The following CHODL variants were observed in gnomAD, a reference collection of about 807,000 sequenced individuals.
CHODL encodes the protein chondrolectin.
CHODL carries 29 observed loss-of-function variants against 34.5 expected under a neutral mutation model. The observed-to-expected ratio is 0.84, with a 90% CI of 0.63 to 1.15. The LOEUF (loss-of-function observed/expected upper bound fraction) is 1.15, where lower values mean the gene tolerates loss of function less well. Ranked by LOEUF, CHODL falls within the 50% of genes most tolerant of loss-of-function variation. The pLI, the probability that CHODL is intolerant of heterozygous loss-of-function variation, is 0.00. For missense variants in CHODL, 332 were observed against 332.5 expected (o/e 1.00, Z 0.01); for synonymous variants, 125 against 116.1 (o/e 1.08, Z -0.49).
intron 2 of CHODL, among the ~76,000 whole-genome samples, chr21:18,093,106 A>T (rs2065093711): frequency 6.6e-6 from 1 of 152,158 alleles, no homozygotes; most frequent in Non-Finnish European, 1.5e-5. Flanking sequence ...GAAACAAATA[A>T]CATACAATGG....
intron 1 of CHODL, among the ~76,000 whole-genome samples, chr21:17,994,673 C>T (rs1359944880): frequency 3.3e-5 from 5 of 152,138 alleles, no homozygotes; most frequent in Non-Finnish European, 4.4e-5. Flanking sequence ...GGATGATGTG[C>T]GTCAGTGACA....
chr21:18,184,683 A>G (rs2073420279), intron 2 of CHODL, among the ~76,000 whole-genome samples: 1 of 152,192 alleles, frequency 6.6e-6, no homozygotes, highest in South Asian at 2.1e-4. Context: ...AAAGTTTGCA[A>G]GTCCCCAGAT....
intron 2 of CHODL, among the ~76,000 whole-genome samples, chr21:18,050,034 G>A (rs1305964866): frequency 2.0e-5 from 3 of 151,942 alleles, no homozygotes; most frequent in Non-Finnish European, 4.4e-5. Context: ...TAAGAGTTAT[G>A]CAGACAAAAA....
chr21:18,068,878 CA>C (rs1440105421), intron 2 of CHODL, among the ~76,000 whole-genome samples: 1 of 151,744 alleles, frequency 6.6e-6, no homozygotes, highest in African/African-American at 2.4e-5. Flanking sequence ...TAATCTGCTA[CA>C]GTTTCTTATG....
chr21:18,128,109 G>A (rs541373942), intron 2 of CHODL, among the ~76,000 whole-genome samples: 70 of 151,396 alleles, frequency 4.6e-4, no homozygotes, highest in Non-Finnish European at 8.7e-4. Context: ...GACCATCCTG[G>A]CTAACACGGT....
intron 2 of CHODL, among the ~76,000 whole-genome samples, chr21:18,136,748 A>G (rs1161168134): frequency 7.0e-6 from 1 of 142,630 alleles, no homozygotes; most frequent in African/African-American, 2.6e-5. Context: ...ATATATATAT[A>G]TATATGTATA....
intron 1 of CHODL, among the ~76,000 whole-genome samples, chr21:17,927,196 G>T (rs1303510011): frequency 7.1e-6 from 1 of 141,000 alleles, no homozygotes; most frequent in African/African-American, 2.9e-5. Context: ...GTATATGTAT[G>T]TATGTGTGTG....
intron 2 of CHODL, among the ~76,000 whole-genome samples, chr21:18,153,336 T>TTGGC (rs1215582792): frequency 6.6e-6 from 1 of 152,192 alleles, no homozygotes; most frequent in African/African-American, 2.4e-5. Flanking sequence ...CTTCTCCTTG[T>TTGGC]TGGCTATAGG....
At chr21:18,144,800 G>C (rs1186898079) in intron 2 of CHODL, among the ~76,000 whole-genome samples, 3 of 151,416 alleles carry the variant, frequency 2.0e-5, no homozygotes, top group Non-Finnish European at 4.4e-5. Flanking sequence ...GGCGGGGCAA[G>C]TGAGTTTAGG....
At chr21:17,933,755 A>G (rs1180429641) in intron 1 of CHODL, among the ~76,000 whole-genome samples, 1 of 152,156 alleles carries the variant, frequency 6.6e-6, no homozygotes, top group Non-Finnish European at 1.5e-5. Context: ...AGAAAGAAAT[A>G]GTAGGCCGGG....
chr21:17,938,430 G>C (rs571180973), intron 1 of CHODL, among the ~76,000 whole-genome samples: 1 of 136,548 alleles, frequency 7.3e-6, no homozygotes, highest in African/African-American at 2.8e-5. Flanking sequence ...TATGAACTCC[G>C]ATTTTAAATA....
At chr21:18,126,021 A>T (rs149507671) in intron 2 of CHODL, among the ~76,000 whole-genome samples, 36 of 152,282 alleles carry the variant, frequency 2.4e-4, no homozygotes, top group East Asian at 1.7e-3. Context: ...TCTTATTTTT[A>T]AAAAAATGCA....
intron 2 of CHODL, among the ~76,000 whole-genome samples, chr21:18,104,547 C>G (rs567303804): frequency 1.3e-3 from 200 of 152,128 alleles, no homozygotes; most frequent in Non-Finnish European, 2.6e-3. Flanking sequence ...ATAAAATATA[C>G]CATAGTCATA....
At chr21:17,973,239 T>G (rs2063631205) in intron 1 of CHODL, among the ~76,000 whole-genome samples, 1 of 152,136 alleles carries the variant, frequency 6.6e-6, no homozygotes, top group South Asian at 2.1e-4. Flanking sequence ...GGGGAAAGAC[T>G]TCATGACTAA....
intron 2 of CHODL, among the ~76,000 whole-genome samples, chr21:18,149,626 A>G (rs2072940049): frequency 6.6e-6 from 1 of 152,204 alleles, no homozygotes; most frequent in Non-Finnish European, 1.5e-5. Flanking sequence ...CTACATCTCA[A>G]TGATAATATC....
chr21:17,948,265 A>G (rs576023718), intron 1 of CHODL, among the ~76,000 whole-genome samples: 2 of 152,186 alleles, frequency 1.3e-5, no homozygotes, highest in South Asian at 4.1e-4. Context: ...TAATCCATGT[A>G]ACAAAAATGC....
chr21:18,129,892 CTGTGTGTGTGTGTGTGTGTGTG>C (rs150557806), intron 2 of CHODL, among the ~76,000 whole-genome samples: 1 of 140,590 alleles, frequency 7.1e-6, no homozygotes, highest in Non-Finnish European at 1.6e-5. Context: ...CTGTCTTTCT[CTGTGTGTGTGTGTGTGTGTGTG>C]TGTGTGTGTG....
At chr21:18,212,019 A>G (rs181001234) in intron 2 of CHODL, among the ~76,000 whole-genome samples, 62 of 152,352 alleles carry the variant, frequency 4.1e-4, no homozygotes, top group African/African-American at 1.4e-3. Context: ...TTAGAAGCAT[A>G]TGCAGAGTAC....
chr21:17,956,677 C>G lies in CHODL; in HGVS notation c.-145+39277C>G, dbSNP rs966320414. Among the ~76,000 whole-genome samples the G allele has an allele frequency of 3.7e-5, 5 of 136,038 alleles. 1 individual carries two copies. Among genetic ancestry groups the G allele is most frequent in the African/African-American group, 1.3e-4 (5 of 39,802 alleles). 89.2% of individuals were successfully genotyped at this position (136,038 alleles called of 152,430 possible). A position where few individuals can be genotyped will look rare whatever the true frequency, so the allele number is the denominator to read the frequency against. On this transcript the variant is annotated intron_variant, in intron 1 of 6. Coordinates refer to the CHODL transcript ENST00000400127. ...GGCCCACTTCTGGTACCTTAGAGAG[C>G]TATCTTCTCACTGTGTTTTCATATG...
Sources: gnomAD v4.1 joint callset for allele counts (sites outside exome capture counted in the v4.1 genomes callset) on GRCh38, gnomAD v4.1.1 for gene constraint, MANE v1.5 for transcripts, NCBI Gene and HGNC (gene_info 2026-07-23, HGNC 2026-07-21) for gene names.